TGFBRAP1: variants seen among roughly 807,000 people sequenced by gnomAD.
TGFBRAP1 encodes transforming growth factor-beta receptor-associated protein 1.
In TGFBRAP1, 20 loss-of-function variants were observed where a neutral mutation model predicts 83.2. That is an observed-to-expected ratio of 0.24 (90% confidence interval 0.17 to 0.35). The LOEUF (loss-of-function observed/expected upper bound fraction) is 0.35, where lower values mean the gene tolerates loss of function less well. TGFBRAP1 is among the 10% of genes least tolerant of loss of function. The probability of loss-of-function intolerance (pLI) is 1.00; values close to 1 mark genes in which losing one functional copy is unlikely to be tolerated. For synonymous variants in TGFBRAP1, 415 were observed against 459.8 expected, an observed-to-expected ratio of 0.90 and a Z score of 1.25; for missense variants, 950 against 1,099.4, an observed-to-expected ratio of 0.86 and a Z score of 1.92.
intron 4 of TGFBRAP1, among the ~76,000 whole-genome samples, chr2:105,291,882 C>A (rs538724085): frequency 2.8e-4 from 43 of 152,258 alleles, no homozygotes; most frequent in South Asian, 2.5e-3. Context: ...ATGCTTTGAG[C>A]CTCTAAGCAA....
intron 1 of TGFBRAP1, among the ~76,000 whole-genome samples, chr2:105,316,475 G>GCGCGCGCGCA (rs1678877437): frequency 1.3e-5 from 1 of 77,548 alleles, no homozygotes; most frequent in Non-Finnish European, 3.0e-5. Flanking sequence ...GCGCGCGCGC[G>GCGCGCGCGCA]CGCGCACGCG....
intron 1 of TGFBRAP1, among the ~76,000 whole-genome samples, chr2:105,321,449 T>G (rs1427041454): frequency 6.6e-6 from 1 of 152,180 alleles, no homozygotes; most frequent in Non-Finnish European, 1.5e-5. Context: ...ATTACAGGTG[T>G]GAGCCACCAT....
Position 105,308,233 on chromosome 2 carries a change from C to T in TGFBRAP1, c.69G>A (p.Glu23=). ...VERELLMGDK[E]RVNIECVECC... ...ACTCCACGCACTCTATGTTGACGCG[C>T]TCCTTGTCGCCCATCAGCAGCTCCC... The change falls in exon 2 of 12, where the codon GAG becomes GAA. Residue 23 remains glutamate, a synonymous_variant. Transcript: ENST00000393359. The T allele has an allele frequency of 6.2e-7, 1 of 1,614,210 alleles. No individual in the cohort carries two copies. The highest frequency in any genetic ancestry group is 8.5e-7 in the Non-Finnish European group (1 of 1,180,038).
chr2:105,320,850 AG>A (rs1679035602), intron 1 of TGFBRAP1, among the ~76,000 whole-genome samples: 1 of 152,240 alleles, frequency 6.6e-6, no homozygotes, highest in African/African-American at 2.4e-5. Flanking sequence ...ACCTTTCCAA[AG>A]GATTAACACT....
chr2:105,298,631 C>G lies in TGFBRAP1; in HGVS notation c.763G>C (p.Val255Leu). ...AGCGCTATGACGTATGGAAAGGACA[C>G]AGCCGCCCCAATCACATTCTCCGAC... ...HWSENVIGAA[V>L]SFPYVIALDD... The change falls in exon 3 of 12, where the codon GTG (valine) becomes CTG (leucine). Residue 255 changes from valine (V) to leucine (L), a missense_variant. By Grantham distance (32) the Val-to-Leu change is conservative. Coordinates refer to ENST00000393359, the MANE Select transcript of TGFBRAP1 (RefSeq NM_004257.6). The G allele has an allele frequency of 6.2e-7, 1 of 1,614,066 alleles. No individual in the cohort carries two copies. The highest frequency in any genetic ancestry group is 8.5e-7 in the Non-Finnish European group (1 of 1,179,960).
intron 4 of TGFBRAP1, 149 bp downstream of exon 4, chr2:105,296,207 A>G (rs1055975117): frequency 1.0e-6 from 1 of 986,112 alleles, no homozygotes; most frequent in African/African-American, 1.7e-5. Context: ...TATCTACACA[A>G]TATGTATTTG....
At chr2:105,281,970 A>C (rs76606401) in intron 5 of TGFBRAP1, among the ~76,000 whole-genome samples, 2,961 of 152,208 alleles carry the variant, frequency 0.019, 103 homozygotes, top group African/African-American at 0.067. Context: ...TGCCCAAAGA[A>C]TTATCTGGCT....
intron 4 of TGFBRAP1, among the ~76,000 whole-genome samples, chr2:105,284,603 C>T (rs13387288): frequency 0.026 from 3,982 of 152,238 alleles, 198 homozygotes; most frequent in African/African-American, 0.091. Flanking sequence ...CCCAAATGCA[C>T]GTCTTGATCT....
At chr2:105,267,597 G>C in intron 11 of TGFBRAP1, 38 bp from the exon 12 acceptor site, 1 of 1,611,732 alleles carries the variant, frequency 6.2e-7, no homozygotes, top group Non-Finnish European at 8.5e-7. Context: ...GCTGTCATGT[G>C]TTAAGTATAT....
At chr2:105,299,147 G>A (rs991965626) in intron 2 of TGFBRAP1, among the ~76,000 whole-genome samples, 1 of 151,864 alleles carries the variant, frequency 6.6e-6, no homozygotes, top group Non-Finnish European at 1.5e-5. Context: ...CAGGTGTGGT[G>A]GTGCACATCT....
rs1194189773 is a variant in TGFBRAP1, at chr2:105,266,436, C to G, written c.*947G>C. ...TACATTTTAACAAGAAAAAATACCC[C>G]TAACAAACAGGACAGATGACTCTCT... On this transcript the variant is annotated 3_prime_UTR_variant, in exon 12 of 12. Transcript: ENST00000393359. 5 of 152,194 alleles carry G rather than the reference C, an allele frequency of 3.3e-5. No individual in the cohort carries two copies. In the East Asian group the frequency reaches 9.6e-4, roughly 29 times the overall value. The allele number at this position is 152,194 out of a possible 1,614,324, so 9.4% of individuals were successfully genotyped here.
At chr2:105,285,208 C>G (rs1296676812) in intron 4 of TGFBRAP1, among the ~76,000 whole-genome samples, 3 of 152,224 alleles carry the variant, frequency 2.0e-5, no homozygotes, top group Non-Finnish European at 4.4e-5. Flanking sequence ...TTTAATTACT[C>G]TCTCTGACTT....
the TGFBRAP1 span, among the ~76,000 whole-genome samples, chr2:105,250,108 G>A: frequency 6.6e-6 from 1 of 152,192 alleles, no homozygotes; most frequent in Admixed American, 6.5e-5. Context: ...GCCAGCGATT[G>A]CCATGGTCAA....
the TGFBRAP1 span, among the ~76,000 whole-genome samples, chr2:105,252,751 C>CTTTTT: frequency 1.3e-4 from 15 of 113,316 alleles, 2 homozygotes; most frequent in South Asian, 3.1e-4. Context: ...ATATTAACAT[C>CTTTTT]TTTTTTTTTT....
intron 1 of TGFBRAP1, among the ~76,000 whole-genome samples, chr2:105,316,452 TGTGTGTGTGTGCGCGCGC>T (rs1175847252): frequency 1.3e-5 from 1 of 76,360 alleles, no homozygotes; most frequent in Non-Finnish European, 2.8e-5. Flanking sequence ...TGTGTGTGTG[TGTGTGTGTGTGCGCGCGC>T]GCGCGCGCGC....
downstream of TGFBRAP1, among the ~76,000 whole-genome samples, chr2:105,263,403 G>A (rs1039137487): frequency 3.3e-5 from 5 of 152,218 alleles, no homozygotes; most frequent in Admixed American, 1.3e-4. Context: ...AGCCCCAGGT[G>A]GGAGGACCTG....
intron 4 of TGFBRAP1, among the ~76,000 whole-genome samples, chr2:105,289,862 C>T (rs1373771604): frequency 4.6e-5 from 7 of 152,078 alleles, no homozygotes; most frequent in Non-Finnish European, 1.5e-5. Context: ...CTTGAATTGC[C>T]CTCCCAAGAG....
intron 1 of TGFBRAP1, among the ~76,000 whole-genome samples, chr2:105,324,557 A>T (rs569227559): frequency 6.6e-6 from 1 of 152,324 alleles, no homozygotes; most frequent in Non-Finnish European, 1.5e-5. Context: ...TTCTCCAGCC[A>T]AGTGTCCTCG....
chr2:105,308,255 T>C lies in TGFBRAP1; in HGVS notation c.47A>G (p.Glu16Gly). 6.2e-7 allele frequency: 1 copy of C among 1,614,048 alleles called. No homozygotes were observed. Among genetic ancestry groups the C allele is most frequent in the Non-Finnish European group, 8.5e-7 (1 of 1,179,978 alleles). Residue 16 changes from glutamate (E) to glycine (G), a missense_variant, in exon 2 of 12, where the codon GAG becomes GGG. Physicochemically the swap from Glu to Gly is moderately conservative, Grantham distance 98 (BLOSUM62 -2). Transcript: ENST00000393359. ...AFTLVSAVER[E>G]LLMGDKERVN... is the part of the protein sequence containing the mutation. ...GCGCTCCTTGTCGCCCATCAGCAGCTCCCGCTCCACAGCAGAGACAAGCGT... is the reference window on the plus strand; with the variant it reads ...GCGCTCCTTGTCGCCCATCAGCAGCCCCCGCTCCACAGCAGAGACAAGCGT...
Sources: allele counts gnomAD v4.1 joint callset (sites outside exome capture counted in the v4.1 genomes callset), GRCh38; gene constraint gnomAD v4.1.1; transcripts MANE v1.5; gene names NCBI Gene and HGNC (gene_info 2026-07-23, HGNC 2026-07-21).